LDAH: variants seen among roughly 807,000 people sequenced by gnomAD.
LDAH encodes the protein lipid droplet-associated hydrolase.
A neutral mutation model predicts 29.6 loss-of-function variants in LDAH; 26 were observed. The ratio of observed to expected loss-of-function variants is 0.88; its 90% CI spans 0.64 to 1.22. The LOEUF (loss-of-function observed/expected upper bound fraction) is 1.22, where lower values mean the gene tolerates loss of function less well. Ranked by LOEUF, LDAH falls within the 50% of genes most tolerant of loss-of-function variation. The pLI is 0.00. For synonymous variants in LDAH, 117 were observed against 133.0 expected, an observed-to-expected ratio of 0.88 and a Z score of 0.83; for missense variants, 344 against 387.3, an observed-to-expected ratio of 0.89 and a Z score of 0.94.
rs188974938 is a variant in LDAH at position 20,714,682 on chromosome 2, C to A, written c.704-13030G>T. ...AGAGAAGAATCAAATAGATGCAATACAAAATGATAAAGGGGATATCACCAC... is the reference window on the plus strand; with the variant it reads ...AGAGAAGAATCAAATAGATGCAATAAAAAATGATAAAGGGGATATCACCAC... On this transcript the variant is annotated intron_variant, in intron 5 of 6. Transcript: ENST00000237822. Among the ~76,000 whole-genome samples, 1,137 of 152,176 alleles carry A rather than the reference C, an allele frequency of 7.5e-3. 13 individuals are homozygous for A. Among genetic ancestry groups the A allele is most frequent in the African/African-American group, 0.025 (1,050 of 41,540 alleles).
intron 1 of LDAH, among the ~76,000 whole-genome samples, chr2:20,821,990 T>C (rs1035159875): frequency 1.7e-4 from 26 of 152,230 alleles, no homozygotes; most frequent in Non-Finnish European, 7.3e-5. Context: ...CTCCTACGTA[T>C]AGTTTCAGAA....
intron 4 of LDAH, among the ~76,000 whole-genome samples, chr2:20,754,242 C>G (rs1032984070): frequency 1.3e-5 from 2 of 151,962 alleles, no homozygotes; most frequent in Non-Finnish European, 2.9e-5. Context: ...AATCCTAGCA[C>G]TCTGAGAAGC....
chr2:20,776,008 T>C (rs1056325265), intron 3 of LDAH, among the ~76,000 whole-genome samples: 39 of 152,142 alleles, frequency 2.6e-4, no homozygotes, highest in African/African-American at 9.2e-4. Context: ...GTAGAAAACT[T>C]GAATAGGTTT....
chr2:20,749,213 A>T (rs543872911), intron 4 of LDAH, among the ~76,000 whole-genome samples: 1 of 152,286 alleles, frequency 6.6e-6, no homozygotes, highest in East Asian at 1.9e-4. Flanking sequence ...AGTAAAATAG[A>T]AACATACTAA....
chr2:20,729,719 T>C (rs944289241), intron 5 of LDAH, among the ~76,000 whole-genome samples: 3 of 152,202 alleles, frequency 2.0e-5, no homozygotes, highest in African/African-American at 7.2e-5. Flanking sequence ...TATAGAGAAA[T>C]CCATGTACCT....
At chr2:20,710,548 T>C (rs1664638642) in intron 5 of LDAH, among the ~76,000 whole-genome samples, 2 of 149,622 alleles carry the variant, frequency 1.3e-5, no homozygotes, top group South Asian at 4.2e-4. Flanking sequence ...CAGAAATGAC[T>C]ATATATATGA....
intron 2 of LDAH, among the ~76,000 whole-genome samples, chr2:20,795,947 A>C (rs1387081121): frequency 4.5e-3 from 27 of 5,958 alleles, no homozygotes; most frequent in Non-Finnish European, 0.012. Flanking sequence ...GAAACCTGCC[A>C]CACACACACA....
At chr2:20,799,885 A>T (rs760970902) in intron 2 of LDAH, among the ~76,000 whole-genome samples, 10 of 152,220 alleles carry the variant, frequency 6.6e-5, no homozygotes, top group Non-Finnish European at 1.0e-4. Context: ...ATGTAAAAGT[A>T]TCATAAAACT....
At chr2:20,790,511 C>G (rs1670874957) in intron 2 of LDAH, 113 bp from the exon 3 acceptor site, 1 of 840,358 alleles carries the variant, frequency 1.2e-6, no homozygotes, top group Non-Finnish European at 1.9e-6. Flanking sequence ...CTGAATTCTT[C>G]AGAGTACCCA....
intron 5 of LDAH, among the ~76,000 whole-genome samples, chr2:20,720,895 T>C (rs144566756): frequency 6.6e-6 from 1 of 152,242 alleles, no homozygotes; most frequent in African/African-American, 2.4e-5. Context: ...AAGGATAGTC[T>C]CTCTAATAAA....
chr2:20,798,211 C>A (rs909566442), intron 2 of LDAH, among the ~76,000 whole-genome samples: 7 of 152,046 alleles, frequency 4.6e-5, no homozygotes, highest in Admixed American at 6.6e-5. Flanking sequence ...ATATGCTCTA[C>A]CAAAAACAAG....
At chr2:20,689,700 G>A (rs16987985) in intron 6 of LDAH, among the ~76,000 whole-genome samples, 22,493 of 152,164 alleles carry the variant, frequency 0.15, 1,846 homozygotes, top group African/African-American at 0.22. Flanking sequence ...TGTATTCAGG[G>A]AATAGGATAG....
At chr2:20,701,754 G>T in intron 5 of LDAH, 102 bp from the exon 6 acceptor site, 1 of 1,029,458 alleles carries the variant, frequency 9.7e-7, no homozygotes, top group South Asian at 1.3e-5. Flanking sequence ...CTTTTGGCAC[G>T]TGCTATCTGA....
chr2:20,786,382 G>T lies in LDAH; in HGVS notation c.298+3873C>A, dbSNP rs546051227. Among the ~76,000 whole-genome samples the T allele has an allele frequency of 2.6e-5, 4 of 152,184 alleles. No individual in the cohort carries two copies. In the South Asian group the frequency reaches 8.3e-4, roughly 32 times the overall value. On this transcript the variant is annotated intron_variant, in intron 3 of 6. Coordinates refer to ENST00000237822, the MANE Select transcript of LDAH (RefSeq NM_021925.4). The stretch of plus-strand genomic sequence containing the variant: ...TTTTTGTATTTTTAGTAGAGATGGG[G>T]TTTCATCACGTTGGCCAGGCTGGTC...
At chr2:20,715,659 A>G (rs1468501541) in intron 5 of LDAH, among the ~76,000 whole-genome samples, 1 of 152,240 alleles carries the variant, frequency 6.6e-6, no homozygotes, top group Non-Finnish European at 1.5e-5. Context: ...AATTTCCTTA[A>G]GCTGACAAGC....
chr2:20,797,718 A>G (rs1558488557), intron 2 of LDAH, among the ~76,000 whole-genome samples: 1 of 152,248 alleles, frequency 6.6e-6, no homozygotes, highest in Non-Finnish European at 1.5e-5. Flanking sequence ...GAGGAAAACT[A>G]AAGACTAATG....
chr2:20,708,758 C>A (rs1664490750), intron 5 of LDAH, among the ~76,000 whole-genome samples: 1 of 152,082 alleles, frequency 6.6e-6, no homozygotes, highest in African/African-American at 2.4e-5. Context: ...ATCTTTGTGA[C>A]CTTAGATTAC....
At chr2:20,773,234 C>T (rs1253331995) in intron 4 of LDAH, among the ~76,000 whole-genome samples, 2 of 151,930 alleles carry the variant, frequency 1.3e-5, no homozygotes, top group African/African-American at 2.4e-5. Context: ...CATATTATCC[C>T]CATTTTACAA....
At chr2:20,730,491 T>TA (rs1380409567) in intron 5 of LDAH, among the ~76,000 whole-genome samples, 1 of 152,212 alleles carries the variant, frequency 6.6e-6, no homozygotes, top group Non-Finnish European at 1.5e-5. Context: ...TGATTTTTTT[T>TA]ATTTTAGCCA....
Sources: allele counts gnomAD v4.1 joint callset (sites outside exome capture counted in the v4.1 genomes callset), GRCh38; gene constraint gnomAD v4.1.1; transcripts MANE v1.5; gene names NCBI Gene and HGNC (gene_info 2026-07-23, HGNC 2026-07-21).